Variants in HEMK2 observed in about 807,000 individuals in gnomAD.
The protein encoded by HEMK2 is methyltransferase HEMK2.
At chr21:28,683,578 A>G in the HEMK2 span, among the ~76,000 whole-genome samples, 1 of 152,238 alleles carries the variant, frequency 6.6e-6, no homozygotes, top group African/African-American at 2.4e-5. Flanking sequence ...ACATACACGC[A>G]CAATGTTTAC....
chr21:28,578,700 T>A, the HEMK2 span, among the ~76,000 whole-genome samples: 1 of 152,176 alleles, frequency 6.6e-6, no homozygotes, highest in African/African-American at 2.4e-5. Flanking sequence ...TGTCCCTGGT[T>A]TCCTTGATAA....
the HEMK2 span, among the ~76,000 whole-genome samples, chr21:28,763,278 T>C: frequency 1.3e-5 from 2 of 152,134 alleles, no homozygotes; most frequent in Admixed American, 6.5e-5. Context: ...CTGCATGCTG[T>C]ACAAGCATGG....
the HEMK2 span, among the ~76,000 whole-genome samples, chr21:28,627,417 G>A: frequency 4.6e-5 from 7 of 152,260 alleles, no homozygotes; most frequent in East Asian, 1.4e-3. Flanking sequence ...GCAAAATATT[G>A]ACAGTAACAG....
chr21:28,783,806 A>C, the HEMK2 span, among the ~76,000 whole-genome samples: 1 of 152,192 alleles, frequency 6.6e-6, no homozygotes, highest in East Asian at 1.9e-4. Context: ...ACGGGCCAGC[A>C]CGAGTTCCGG....
chr21:28,651,580 A>G, the HEMK2 span, among the ~76,000 whole-genome samples: 1 of 152,244 alleles, frequency 6.6e-6, no homozygotes, highest in African/African-American at 2.4e-5. Context: ...ATTAATACCT[A>G]TCACAAGAAT....
the HEMK2 span, chr21:28,671,373 G>A: frequency 6.6e-6 from 1 of 152,222 alleles, no homozygotes; most frequent in Non-Finnish European, 1.5e-5. Flanking sequence ...CTAATCATGA[G>A]AGGAAGATTT....
the HEMK2 span, among the ~76,000 whole-genome samples, chr21:28,695,237 T>C: frequency 6.6e-6 from 1 of 152,074 alleles, no homozygotes; most frequent in Non-Finnish European, 1.5e-5. Flanking sequence ...CAAAATACCA[T>C]TGCTATAGTT....
the HEMK2 span, among the ~76,000 whole-genome samples, chr21:28,721,952 T>C: frequency 6.7e-6 from 1 of 150,104 alleles, no homozygotes; most frequent in African/African-American, 2.5e-5. Context: ...ACCTATTTGA[T>C]GCAATCATCA....
At chr21:28,683,554 T>C in the HEMK2 span, among the ~76,000 whole-genome samples, 2,332 of 152,332 alleles carry the variant, frequency 0.015, 25 homozygotes, top group Non-Finnish European at 0.022. Flanking sequence ...GGATATCTCT[T>C]ATATAACATT....
the HEMK2 span, among the ~76,000 whole-genome samples, chr21:28,715,267 G>A: frequency 6.6e-6 from 1 of 152,032 alleles, no homozygotes; most frequent in Non-Finnish European, 1.5e-5. Context: ...CAGTGTGTAA[G>A]CATTCTCTTG....
the HEMK2 span, chr21:28,876,379 T>C: frequency 1.5e-5 from 24 of 1,585,210 alleles, 1 homozygote; most frequent in Non-Finnish European, 1.9e-5. Flanking sequence ...GGGCACACAC[T>C]GTATGCTAAG....
the HEMK2 span, among the ~76,000 whole-genome samples, chr21:28,684,944 A>AT: frequency 6.6e-6 from 1 of 152,214 alleles, no homozygotes; most frequent in African/African-American, 2.4e-5. Context: ...GTAAAGACAG[A>AT]TTTTCATCAG....
chr21:28,793,609 G>A, the HEMK2 span, among the ~76,000 whole-genome samples: 1 of 152,176 alleles, frequency 6.6e-6, no homozygotes, highest in Admixed American at 6.5e-5. Flanking sequence ...GAGGTGAGTG[G>A]TGGTCCCTGA....
chr21:28,777,880 T>G, the HEMK2 span, among the ~76,000 whole-genome samples: 1 of 152,184 alleles, frequency 6.6e-6, no homozygotes, highest in African/African-American at 2.4e-5. Context: ...TAAAGAAAAT[T>G]TCCTAAATTT....
chr21:28,608,455 G>C, the HEMK2 span, among the ~76,000 whole-genome samples: 1 of 151,576 alleles, frequency 6.6e-6, no homozygotes, highest in Non-Finnish European at 1.5e-5. Context: ...CTAAATTGCA[G>C]CTCCCACTCA....
chr21:28,664,759 C>A, the HEMK2 span, among the ~76,000 whole-genome samples: 1 of 152,050 alleles, frequency 6.6e-6, no homozygotes, highest in East Asian at 1.9e-4. Context: ...GGTTGAAATG[C>A]TCAGAAAGGA....
At chr21:28,744,219 C>T in the HEMK2 span, among the ~76,000 whole-genome samples, 1 of 151,906 alleles carries the variant, frequency 6.6e-6, no homozygotes, top group Non-Finnish European at 1.5e-5. Context: ...CAAACCTGCA[C>T]ATGTACTCCT....
chr21:28,651,424 T>C, the HEMK2 span, among the ~76,000 whole-genome samples: 2 of 152,228 alleles, frequency 1.3e-5, no homozygotes, highest in African/African-American at 2.4e-5. Flanking sequence ...ATAAATGTGA[T>C]GGTAGTTTAT....
the HEMK2 span, among the ~76,000 whole-genome samples, chr21:28,814,985 G>A: frequency 1.3e-5 from 2 of 152,134 alleles, no homozygotes; most frequent in African/African-American, 4.8e-5. Flanking sequence ...CAACCCAAAT[G>A]TCCAACAATG....
Sources: gnomAD v4.1 joint callset for allele counts (sites outside exome capture counted in the v4.1 genomes callset) on GRCh38, gnomAD v4.1.1 for gene constraint, MANE v1.5 for transcripts, NCBI Gene and HGNC (gene_info 2026-07-23, HGNC 2026-07-21) for gene names.